Variants in RPL13 observed in about 807,000 individuals in gnomAD.
RPL13 encodes large ribosomal subunit protein eL13.
RPL13 carries 1 observed loss-of-function variant against 21.4 expected under a neutral mutation model. The ratio of observed to expected loss-of-function variants is 0.05; its 90% CI spans 0.02 to 0.22. The LOEUF (loss-of-function observed/expected upper bound fraction) is 0.22, where lower values mean the gene tolerates loss of function less well. Among genes scored for constraint, RPL13 ranks in the 10% least tolerant of loss-of-function variants. The pLI is 1.00. For missense variants in RPL13, 289 were observed against 303.0 expected (o/e 0.95, Z 0.34); for synonymous variants, 143 against 120.5 (o/e 1.19, Z -1.23).
chr16:89,561,977 G>A, intron 4 of RPL13: 1 of 606,310 alleles, frequency 1.6e-6, no homozygotes, highest in Admixed American at 3.2e-5. Context: ...CATTGACGTT[G>A]CTCTCCCTAA....
At position 89,561,218 on chromosome 16, in the gene RPL13, C is replaced by T. The variant is rs969244368; in HGVS notation, c.105-9C>T. 1.9e-6 allele frequency: 3 copies of T among 1,540,372 alleles called. No homozygotes were observed. Among genetic ancestry groups the T allele is most frequent in the Non-Finnish European group, 1.7e-6 (2 of 1,147,600 alleles). The stretch of plus-strand genomic sequence containing the variant: ...CAAGGGTGACCGCCGCTGCGCTTCT[C>T]TCCACCAGACGTAAGGCCCGGCAAG... On this transcript the variant is annotated splice_polypyrimidine_tract_variant and intron_variant, in intron 2 of 5. Coordinates refer to ENST00000311528, the MANE Select transcript of RPL13 (RefSeq NM_000977.4).
At chr16:89,561,998 A>G (rs1048939074) in intron 4 of RPL13, 2 of 591,156 alleles carry the variant, frequency 3.4e-6, no homozygotes, top group South Asian at 2.2e-5. Context: ...AATGCTTCGT[A>G]TTCCAAAATA....
intron 1 of RPL13, 36 bp from the exon 2 acceptor site, chr16:89,560,904 G>A: frequency 6.7e-7 from 1 of 1,495,910 alleles, no homozygotes; most frequent in Non-Finnish European, 9.0e-7. Flanking sequence ...GCGCGCCCGG[G>A]GTCCGGCCTC....
chr16:89,560,885 G>GA (rs2058737952), intron 1 of RPL13, 55 bp from the exon 2 acceptor site: 2 of 1,370,776 alleles, frequency 1.5e-6, no homozygotes, highest in African/African-American at 1.5e-5. Context: ...CGGAGGCCCG[G>GA]GGGGGTGCGC....
In RPL13 at chr16:89,563,932, A is replaced by T. The variant is rs535955560; in HGVS notation, c.*890A>T. 1 of 152,306 alleles carries T rather than the reference A, an allele frequency of 6.6e-6. No homozygotes were observed. Among genetic ancestry groups the T allele is most frequent in the African/African-American group, 2.4e-5 (1 of 41,562 alleles). 9.4% of individuals were successfully genotyped at this position (152,306 alleles called of 1,614,324 possible). ...TCTCCTGTTAAACAAAAACATTCTA[A>T]AGCCATTGTTCTTGCTTCATGGACA... On this transcript the variant is annotated 3_prime_UTR_variant, in exon 6 of 6. Coordinates refer to ENST00000311528, the MANE Select transcript of RPL13 (RefSeq NM_000977.4).
At position 89,563,156 on chromosome 16, in the gene RPL13, C is replaced by T; in HGVS notation, c.*114C>T. On this transcript the variant is annotated 3_prime_UTR_variant, in exon 6 of 6. Coordinates refer to ENST00000311528, the MANE Select transcript of RPL13 (RefSeq NM_000977.4). The stretch of plus-strand genomic sequence containing the variant: ...CTTCACTGCTGTGACTTCCTCCTGC[C>T]AGGGGATTTGGGGCTTTCTTGAAAG... 6 of 1,069,188 alleles carry T rather than the reference C, an allele frequency of 5.6e-6. No homozygotes were observed. Among genetic ancestry groups the T allele is most frequent in the Non-Finnish European group, 7.6e-6 (6 of 794,630 alleles). 66.2% of individuals were successfully genotyped at this position (1,069,188 alleles called of 1,614,324 possible). A position where few individuals can be genotyped will look rare whatever the true frequency, so the allele number is the denominator to read the frequency against.
chr16:89,561,467 G>C lies in RPL13; in HGVS notation c.246+99G>C, dbSNP rs777910066. 4 of 1,612,212 alleles carry C rather than the reference G, an allele frequency of 2.5e-6. No individual in the cohort carries two copies. The South Asian group carries it at 4.4e-5, about 18-fold the overall frequency. Reference sequence around the variant, plus strand: ...TTCTCCGGAATCGCTGTACGGCCTTGATGAAAGCACATTTGAACCCTTTTC... The same window carrying C: ...TTCTCCGGAATCGCTGTACGGCCTTCATGAAAGCACATTTGAACCCTTTTC... On this transcript the variant is annotated intron_variant, in intron 3 of 5. Coordinates refer to ENST00000311528, the MANE Select transcript of RPL13 (RefSeq NM_000977.4).
At chr16:89,564,550 C>T (rs898978093), downstream of RPL13, 9 of 152,210 alleles carry the variant, frequency 5.9e-5, no homozygotes, top group Admixed American at 5.2e-4. Flanking sequence ...TGACACACGC[C>T]TGTAATCCCA....
intron 4 of RPL13, 145 bp downstream of exon 4, chr16:89,561,896 C>G: frequency 2.2e-6 from 2 of 904,468 alleles, no homozygotes; most frequent in Non-Finnish European, 3.3e-6. Flanking sequence ...TGCTAAGGTT[C>G]ACCTGTGCGT....
chr16:89,562,320 C>A lies in RPL13; in HGVS notation c.421-15C>A. The A allele has an allele frequency of 1.2e-6, 2 of 1,613,286 alleles. No individual in the cohort carries two copies. The highest frequency in any genetic ancestry group is 8.5e-7 in the Non-Finnish European group (1 of 1,179,924). ...GTGCGGCCAACCCCACTTAACTCTT[C>A]TCATTCACCAACAGGCTGAAGAACT... On this transcript the variant is annotated splice_polypyrimidine_tract_variant and intron_variant, in intron 4 of 5. Coordinates refer to ENST00000311528, the MANE Select transcript of RPL13 (RefSeq NM_000977.4).
downstream of RPL13, chr16:89,565,810 C>G (rs1013116702): frequency 6.6e-6 from 1 of 152,150 alleles, no homozygotes; most frequent in South Asian, 2.1e-4. Context: ...TCACTGGGAG[C>G]TGAGAGGAAG....
chr16:89,561,796 A>G, intron 4 of RPL13, 45 bp downstream of exon 4: 1 of 1,593,522 alleles, frequency 6.3e-7, no homozygotes, highest in Middle Eastern at 1.7e-4. Flanking sequence ...GGGGACAGTG[A>G]GGCTTGGCTC....
intron 1 of RPL13, 30 bp from the exon 2 acceptor site, chr16:89,560,910 G>C: frequency 6.6e-7 from 1 of 1,520,848 alleles, no homozygotes; most frequent in Non-Finnish European, 8.9e-7. Context: ...CCGGGGTCCG[G>C]CCTCTCACTC....
rs377597713 is a variant in RPL13, at chr16:89,562,622, AAG to A, written c.477+236_477+237del. 1.5e-3 allele frequency: 874 copies of A among 586,290 alleles called. 6 individuals are homozygous for A. The highest frequency in any genetic ancestry group is 0.014 in the African/African-American group (707 of 51,856). The allele number at this position is 586,290 out of a possible 1,614,324, so 36.3% of individuals were successfully genotyped here. A position where few individuals can be genotyped will look rare whatever the true frequency, so the allele number is the denominator to read the frequency against. On this transcript the variant is annotated intron_variant, in intron 5 of 5. Transcript: ENST00000311528. Reference sequence around the variant, plus strand: ...TTTGTGTTTTTTTGTTGTTGTTGGAAAGAGAGTTTCTCTATGCTGCTTACATT... The same window carrying A: ...TTTGTGTTTTTTTGTTGTTGTTGGAAAGAGTTTCTCTATGCTGCTTACATT...
rs982275665 is a variant in RPL13, at chr16:89,564,462, C to T, written c.*1420C>T. Reference sequence around the variant, plus strand: ...CAGTGGCTCACGCCTGTAATCCTAACACTGGGAGGCCGAGGCGGGTGGATC... The same window carrying T: ...CAGTGGCTCACGCCTGTAATCCTAATACTGGGAGGCCGAGGCGGGTGGATC... On this transcript the variant is annotated 3_prime_UTR_variant, in exon 6 of 6. Transcript: ENST00000311528. The T allele has an allele frequency of 6.6e-6, 1 of 152,212 alleles. No individual in the cohort carries two copies. Among genetic ancestry groups the T allele is most frequent in the African/African-American group, 2.4e-5 (1 of 41,434 alleles). The allele number at this position is 152,212 out of a possible 1,614,324, so 9.4% of individuals were successfully genotyped here.
rs200654694 is a variant in RPL13, at chr16:89,560,949, C to T, written c.-11C>T. The T allele has an allele frequency of 5.0e-6, 8 of 1,599,898 alleles. No homozygotes were observed. In the East Asian group the frequency reaches 1.4e-4, roughly 27 times the overall value. On this transcript the variant is annotated 5_prime_UTR_variant, in exon 2 of 6. Transcript: ENST00000311528. ...CCCCTCTCGTCCGCAGCCGCAGGGC[C>T]GTAGGCAGCCATGGCGCCCAGCCGG...
At chr16:89,565,626 GTGCCCGAGTGTGGCCA>G, downstream of RPL13, 1 of 152,570 alleles carries the variant, frequency 6.6e-6, no homozygotes, top group Non-Finnish European at 1.5e-5. Flanking sequence ...AGTGTGGGCC[GTGCCCGAGTGTGGCCA>G]TCCCTGAGTG....
chr16:89,562,110 CACAGGTAGATA>C, intron 4 of RPL13: 1 of 601,720 alleles, frequency 1.7e-6, no homozygotes, highest in Admixed American at 3.4e-5. Context: ...GCCCGTGGTT[CACAGGTAGATA>C]ACTGTCTCGT....
chr16:89,562,597 TTTGTG>T, intron 5 of RPL13: 1 of 590,122 alleles, frequency 1.7e-6, no homozygotes, highest in Non-Finnish European at 2.9e-6. Flanking sequence ...TTTTGTTTGT[TTTGTG>T]TTTTTTTGTT....
Sources: gnomAD v4.1 joint callset for allele counts on GRCh38, gnomAD v4.1.1 for gene constraint, MANE v1.5 for transcripts, NCBI Gene and HGNC (gene_info 2026-07-23, HGNC 2026-07-21) for gene names.